The following RABEP1 variants were observed in gnomAD, a reference collection of about 807,000 sequenced individuals.
The protein encoded by RABEP1 is rab GTPase-binding effector protein 1.
In RABEP1, 51 loss-of-function variants were observed where a neutral mutation model predicts 123.4. The ratio of observed to expected loss-of-function variants is 0.41; its 90% CI spans 0.33 to 0.52. RABEP1 has a LOEUF of 0.52. Among genes scored for constraint, RABEP1 ranks in the 20% least tolerant of loss-of-function variants. The pLI is 0.16. For missense variants in RABEP1, 888 were observed against 996.3 expected, an observed-to-expected ratio of 0.89 and a Z score of 1.46; for synonymous variants, 347 against 355.2, an observed-to-expected ratio of 0.98 and a Z score of 0.26.
rs145963170 is a variant in RABEP1 at position 5,377,217 on chromosome 17, A to C, written c.2127A>C (p.Leu709=). ...EEKLKAEILF[L]KEQIQAEQCL... ...AGCTGAAGGCTGAGATACTTTTCCTAAAAGAGCAGATCCAAGCAGAACAGT... is the reference window on the plus strand; with the variant it reads ...AGCTGAAGGCTGAGATACTTTTCCTCAAAGAGCAGATCCAAGCAGAACAGT... Residue 709 remains leucine, a synonymous_variant, in exon 14 of 18, where the codon CTA becomes CTC. Transcript: ENST00000537505. 1.1e-4 allele frequency: 172 copies of C among 1,613,286 alleles called. No homozygotes were observed. The African/African-American group carries it at 2.1e-3, about 20-fold the overall frequency.
At chr17:5,379,611 C>T (rs1014563670) in intron 15 of RABEP1, among the ~76,000 whole-genome samples, 1 of 152,152 alleles carries the variant, frequency 6.6e-6, no homozygotes, top group African/African-American at 2.4e-5. Context: ...AAATTACCAG[C>T]GCTCGAAATA....
At chr17:5,306,627 G>A (rs76214309) in intron 1 of RABEP1, among the ~76,000 whole-genome samples, 3 of 144,766 alleles carry the variant, frequency 2.1e-5, no homozygotes, top group East Asian at 2.0e-4. Flanking sequence ...GACTCTGTCT[G>A]AAAAAAAAAA....
chr17:5,316,619 G>A (rs1440422504), intron 2 of RABEP1, among the ~76,000 whole-genome samples: 1 of 151,596 alleles, frequency 6.6e-6, no homozygotes, highest in Non-Finnish European at 1.5e-5. Flanking sequence ...GATTGCATGA[G>A]GTCAGGAGTT....
rs1291435009 is a variant in RABEP1 at position 5,304,040 on chromosome 17, A to T, written c.35-4654A>T. On this transcript the variant is annotated intron_variant, in intron 1 of 17. Coordinates refer to ENST00000537505, the MANE Select transcript of RABEP1 (RefSeq NM_004703.6). ...CAAGAGCGAAATTCCATCTCAAAAA[A>T]AAAAAATAAATAAAAATTTATTATA... Among the ~76,000 whole-genome samples, 3 of 133,414 alleles carry T rather than the reference A, an allele frequency of 2.2e-5. No homozygotes were observed. The Admixed American group carries it at 2.4e-4, about 11-fold the overall frequency. The allele number at this position is 133,414 out of a possible 152,430, so 87.5% of individuals were successfully genotyped here.
At chr17:5,302,893 T>G (rs2075148284) in intron 1 of RABEP1, among the ~76,000 whole-genome samples, 1 of 151,510 alleles carries the variant, frequency 6.6e-6, no homozygotes, top group Non-Finnish European at 1.5e-5. Flanking sequence ...GAGCAAAATT[T>G]AAAAAATGAT....
chr17:5,377,765 G>C (rs1164058795), intron 14 of RABEP1, among the ~76,000 whole-genome samples: 1 of 152,074 alleles, frequency 6.6e-6, no homozygotes, highest in African/African-American at 2.4e-5. Flanking sequence ...GACCTCAGGT[G>C]ATCTGCCTGC....
chr17:5,369,203 A>G (rs564259636), intron 12 of RABEP1, among the ~76,000 whole-genome samples: 11 of 152,280 alleles, frequency 7.2e-5, no homozygotes, highest in Admixed American at 2.6e-4. Context: ...AAGGCCATCT[A>G]TGCTGAGAGG....
intron 1 of RABEP1, among the ~76,000 whole-genome samples, chr17:5,294,796 T>C (rs28719662): frequency 0.61 from 91,214 of 150,008 alleles, 29,433 homozygotes; most frequent in East Asian, 0.96. Context: ...TACAGGCGCC[T>C]GCCACCACGC....
At chr17:5,347,986 C>CT (rs1040475401) in intron 6 of RABEP1, among the ~76,000 whole-genome samples, 11 of 151,852 alleles carry the variant, frequency 7.2e-5, no homozygotes, top group East Asian at 1.9e-4. Context: ...AAAATAGAGT[C>CT]TTTTTTTTGA....
At chr17:5,376,970 C>CCT in intron 13 of RABEP1, 146 bp from the exon 14 acceptor site, 4 of 762,506 alleles carry the variant, frequency 5.2e-6, no homozygotes, top group Non-Finnish European at 8.4e-6. Flanking sequence ...TGGCACCTGC[C>CCT]CTGAAGCTCT....
intron 5 of RABEP1, among the ~76,000 whole-genome samples, chr17:5,345,115 T>G (rs973501712): frequency 7.2e-5 from 11 of 152,262 alleles, no homozygotes; most frequent in African/African-American, 2.7e-4. Context: ...GACATCATTT[T>G]ACCCTAACCA....
chr17:5,353,716 G>A (rs1908766422), intron 7 of RABEP1, among the ~76,000 whole-genome samples: 1 of 152,094 alleles, frequency 6.6e-6, no homozygotes, highest in Admixed American at 6.6e-5. Context: ...AGGCATGGTG[G>A]TGCATGCCTG....
chr17:5,321,426 G>C (rs1216523716), intron 2 of RABEP1, among the ~76,000 whole-genome samples: 1 of 152,196 alleles, frequency 6.6e-6, no homozygotes, highest in African/African-American at 2.4e-5. Flanking sequence ...CTGGGTGACA[G>C]AGCAAGACCC....
chr17:5,286,532 T>A (rs540665986), intron 1 of RABEP1, among the ~76,000 whole-genome samples: 2 of 152,284 alleles, frequency 1.3e-5, no homozygotes, highest in South Asian at 4.1e-4. Flanking sequence ...AACAAGTATT[T>A]GTGTGCCTAT....
chr17:5,327,198 A>G (rs1438445887), intron 2 of RABEP1, among the ~76,000 whole-genome samples: 5 of 152,304 alleles, frequency 3.3e-5, no homozygotes, highest in Admixed American at 6.5e-5. Flanking sequence ...AAATACAAAA[A>G]TTAGCAGGGT....
chr17:5,310,449 A>G (rs756604121), intron 2 of RABEP1, among the ~76,000 whole-genome samples: 1 of 151,822 alleles, frequency 6.6e-6, no homozygotes, highest in Non-Finnish European at 1.5e-5. Flanking sequence ...CCTCCCGAGT[A>G]GCTGGGATTA....
At position 5,356,643 on chromosome 17, in the gene RABEP1, A is replaced by G. The variant is rs145124873; in HGVS notation, c.1095+2153A>G. The G allele has an allele frequency of 6.4e-3, 981 of 153,242 alleles. 11 individuals are homozygous for G. The highest frequency in any genetic ancestry group is 0.023 in the African/African-American group (922 of 40,278). The allele number at this position is 153,242 out of a possible 1,614,324, so 9.5% of individuals were successfully genotyped here. A position where few individuals can be genotyped will look rare whatever the true frequency, so the allele number is the denominator to read the frequency against. On this transcript the variant is annotated intron_variant, in intron 8 of 17. Coordinates refer to ENST00000537505, the MANE Select transcript of RABEP1 (RefSeq NM_004703.6). ...AATATATATGTTAACATATGTTAACATATTTCTTTTTTTTTTTTTTTTAAT... is the reference window on the plus strand; with the variant it reads ...AATATATATGTTAACATATGTTAACGTATTTCTTTTTTTTTTTTTTTTAAT...
intron 11 of RABEP1, 92 bp downstream of exon 11, chr17:5,365,330 T>G: frequency 1.2e-6 from 1 of 859,820 alleles, no homozygotes; most frequent in Non-Finnish European, 1.7e-6. Context: ...TTTTTTTGCC[T>G]TGAAGATTTG....
Position 5,322,786 on chromosome 17 carries a change from T to C in RABEP1, c.164-9163T>C, listed in dbSNP as rs116003133. 3.4e-3 allele frequency among the ~76,000 whole-genome samples: 525 copies of C among 152,208 alleles called. 3 individuals carry two copies. Among genetic ancestry groups the C allele is most frequent in the African/African-American group, 0.012 (489 of 41,518 alleles). On this transcript the variant is annotated intron_variant, in intron 2 of 17. Coordinates refer to ENST00000537505, the MANE Select transcript of RABEP1 (RefSeq NM_004703.6). ...TTAACATAACCAAGAACAAAAGCCA[T>C]ATGGTTGGCCAGGTGCAGTGGCTCA...
Sources: allele counts gnomAD v4.1 joint callset (sites outside exome capture counted in the v4.1 genomes callset), GRCh38; gene constraint gnomAD v4.1.1; transcripts MANE v1.5; gene names NCBI Gene and HGNC (gene_info 2026-07-23, HGNC 2026-07-21).